Variants in PDE4D observed in about 807,000 individuals in gnomAD.
The protein encoded by PDE4D is phosphodiesterase 4D, also known as 3',5'-cyclic-AMP phosphodiesterase 4D.
PDE4D carries 24 observed loss-of-function variants against 87.4 expected under a neutral mutation model. That is an observed-to-expected ratio of 0.27 (90% confidence interval 0.20 to 0.39). The LOEUF (loss-of-function observed/expected upper bound fraction) is 0.39, where lower values mean the gene tolerates loss of function less well. PDE4D is among the 10% of genes least tolerant of loss of function. The probability of loss-of-function intolerance (pLI) is 1.00; values close to 1 mark genes in which losing one functional copy is unlikely to be tolerated. For synonymous variants in PDE4D, 384 were observed against 383.2 expected (o/e 1.00, Z -0.02); for missense variants, 714 against 1,041.0 (o/e 0.69, Z 4.32).
At chr5:59,190,146 TC>T (rs1743995436) in intron 3 of PDE4D, among the ~76,000 whole-genome samples, 1 of 152,128 alleles carries the variant, frequency 6.6e-6, no homozygotes, top group Admixed American at 6.6e-5. Context: ...AGAAATGAGT[TC>T]TCAAGAAGAG....
At chr5:60,111,568 A>G (rs1280431907) in intron 2 of PDE4D, among the ~76,000 whole-genome samples, 2 of 151,984 alleles carry the variant, frequency 1.3e-5, no homozygotes, top group Non-Finnish European at 2.9e-5. Context: ...TGTCCTATTA[A>G]GAGCAAATAT....
At chr5:60,512,348 T>C (rs888955068) in intron 1 of PDE4D, among the ~76,000 whole-genome samples, 1 of 152,218 alleles carries the variant, frequency 6.6e-6, no homozygotes, top group African/African-American at 2.4e-5. Flanking sequence ...TAGAATTGTT[T>C]TGATAGTCCT....
intron 1 of PDE4D, among the ~76,000 whole-genome samples, chr5:60,296,647 T>A (rs1442299147): frequency 1.3e-5 from 2 of 152,218 alleles, no homozygotes; most frequent in African/African-American, 4.8e-5. Flanking sequence ...TGCACGTATA[T>A]GTTTATTGCA....
At chr5:59,431,174 T>C (rs1248576201) in intron 1 of PDE4D, among the ~76,000 whole-genome samples, 1 of 152,180 alleles carries the variant, frequency 6.6e-6, no homozygotes, top group African/African-American at 2.4e-5. Context: ...ATCTATGGAA[T>C]CATTGATAGT....
At chr5:60,003,430 G>T (rs1431335497) in intron 2 of PDE4D, among the ~76,000 whole-genome samples, 1 of 152,002 alleles carries the variant, frequency 6.6e-6, no homozygotes, top group African/African-American at 2.4e-5. Context: ...AAAGAAGAAT[G>T]GCTGGGCGTG....
intron 1 of PDE4D, chr5:60,448,761 T>C (rs1299681318): frequency 6.6e-6 from 1 of 152,126 alleles, no homozygotes; most frequent in Non-Finnish European, 1.5e-5. Flanking sequence ...TAGCATCCCA[T>C]CTAATCTCAG....
chr5:59,669,916 T>C (rs1310332705), intron 1 of PDE4D, among the ~76,000 whole-genome samples: 1 of 152,176 alleles, frequency 6.6e-6, no homozygotes, highest in Non-Finnish European at 1.5e-5. Flanking sequence ...ATGATTTCAT[T>C]TAACCCCTTA....
At chr5:59,039,657 G>C in intron 5 of PDE4D, 1 of 328,574 alleles carries the variant, frequency 3.0e-6, no homozygotes, top group Non-Finnish European at 4.4e-6. Flanking sequence ...AAAAGATTCC[G>C]AATTGCAAAA....
At chr5:60,266,820 T>C (rs940994613) in intron 1 of PDE4D, among the ~76,000 whole-genome samples, 2 of 152,248 alleles carry the variant, frequency 1.3e-5, no homozygotes, top group African/African-American at 4.8e-5. Flanking sequence ...AGTAGACACA[T>C]TTTCTCTTGC....
intron 3 of PDE4D, among the ~76,000 whole-genome samples, chr5:59,979,445 T>TC (rs1379430853): frequency 4.0e-5 from 6 of 151,854 alleles, no homozygotes; most frequent in African/African-American, 1.5e-4. Flanking sequence ...TGTGTGTGTT[T>TC]ATGATAACAT....
At chr5:59,536,548 C>T (rs1815310455) in intron 1 of PDE4D, among the ~76,000 whole-genome samples, 1 of 137,856 alleles carries the variant, frequency 7.3e-6, no homozygotes, top group South Asian at 2.3e-4. Context: ...TACCTTTTGG[C>T]TACTTTTAAA....
At chr5:60,506,834 T>C (rs1300470814) in intron 1 of PDE4D, among the ~76,000 whole-genome samples, 3 of 150,794 alleles carry the variant, frequency 2.0e-5, no homozygotes, top group African/African-American at 4.9e-5. Context: ...AAGTAAATCA[T>C]AGTTCAACTG....
intron 1 of PDE4D, among the ~76,000 whole-genome samples, chr5:59,267,509 T>G (rs868215046): frequency 6.6e-6 from 1 of 152,084 alleles, no homozygotes; most frequent in Non-Finnish European, 1.5e-5. Flanking sequence ...ATGAAACATT[T>G]ATTTTAACAA....
chr5:59,299,198 G>A (rs1044084720), intron 1 of PDE4D, among the ~76,000 whole-genome samples: 3 of 152,140 alleles, frequency 2.0e-5, no homozygotes, highest in African/African-American at 7.2e-5. Context: ...TTACATGCCT[G>A]GCCTGAGCAT....
chr5:59,143,438 G>A lies in PDE4D; in HGVS notation c.808+37157C>T, dbSNP rs183504752. ...ATCAATTTAATATAGGGATTAAGAG[G>A]TTGTGGAGTCAGCCTGACCCAGTCT... On this transcript the variant is annotated intron_variant, in intron 5 of 14. Coordinates refer to ENST00000340635, the MANE Select transcript of PDE4D (RefSeq NM_001104631.2). 6.7e-3 allele frequency among the ~76,000 whole-genome samples: 1,013 copies of A among 152,308 alleles called. 13 individuals carry two copies. Among genetic ancestry groups the A allele is most frequent in the African/African-American group, 0.023 (955 of 41,550 alleles).
intron 2 of PDE4D, among the ~76,000 whole-genome samples, chr5:60,093,419 T>C (rs1414621725): frequency 6.6e-6 from 1 of 152,230 alleles, no homozygotes; most frequent in Non-Finnish European, 1.5e-5. Flanking sequence ...TATCTCAGAT[T>C]ATTTTTTGAG....
At chr5:60,060,054 TA>T (rs1323197067) in intron 2 of PDE4D, among the ~76,000 whole-genome samples, 1 of 151,832 alleles carries the variant, frequency 6.6e-6, no homozygotes, top group East Asian at 1.9e-4. Flanking sequence ...GATACACAAA[TA>T]AAGATAAAAT....
At chr5:59,127,110 G>C (rs1775519154) in intron 5 of PDE4D, among the ~76,000 whole-genome samples, 1 of 152,240 alleles carries the variant, frequency 6.6e-6, no homozygotes, top group African/African-American at 2.4e-5. Flanking sequence ...CAACATGCCT[G>C]CAGTGTTCCC....
At chr5:59,685,538 T>C (rs1235827592) in intron 1 of PDE4D, among the ~76,000 whole-genome samples, 1 of 152,188 alleles carries the variant, frequency 6.6e-6, no homozygotes, top group East Asian at 1.9e-4. Context: ...AAATTTTCCC[T>C]GTTTGAAAGC....
Sources: allele counts gnomAD v4.1 joint callset (sites outside exome capture counted in the v4.1 genomes callset), GRCh38; gene constraint gnomAD v4.1.1; transcripts MANE v1.5; gene names NCBI Gene and HGNC (gene_info 2026-07-23, HGNC 2026-07-21).